MTA1: variants seen among roughly 807,000 people sequenced by gnomAD.
The protein encoded by MTA1 is metastasis-associated protein MTA1.
In MTA1, 15 loss-of-function variants were observed where a neutral mutation model predicts 97.0. That is an observed-to-expected ratio of 0.15 (90% CI 0.10 to 0.24). The LOEUF (loss-of-function observed/expected upper bound fraction) is 0.24. MTA1 is among the 10% of genes least tolerant of loss of function. The pLI, the probability that MTA1 is intolerant of heterozygous loss-of-function variation, is 1.00. For missense variants in MTA1, 709 were observed against 1,015.1 expected, an observed-to-expected ratio of 0.70 and a Z score of 4.10; for synonymous variants, 435 against 417.5, an observed-to-expected ratio of 1.04 and a Z score of -0.51.
At chr14:105,425,967 C>T (rs951216004) in intron 1 of MTA1, among the ~76,000 whole-genome samples, 1 of 152,046 alleles carries the variant, frequency 6.6e-6, no homozygotes, top group South Asian at 2.1e-4. Context: ...CTCCTCAGAG[C>T]CGCCCGGCAG....
At chr14:105,432,838 G>C (rs2082215844) in intron 1 of MTA1, among the ~76,000 whole-genome samples, 1 of 152,204 alleles carries the variant, frequency 6.6e-6, no homozygotes, top group Admixed American at 6.5e-5. Flanking sequence ...CAGATTTGCA[G>C]TGAGCTGCTT....
intron 1 of MTA1, among the ~76,000 whole-genome samples, chr14:105,431,503 A>C (rs2082176998): frequency 6.6e-6 from 1 of 152,268 alleles, no homozygotes. Context: ...AATGTGTGGC[A>C]CAGAAAAGGG....
rs182752149 is a variant in MTA1, at chr14:105,425,806, G to C, written c.28+5743G>C. ...CACCCTCATAGTGCAAGGCCACCCA[G>C]CACCTCGCCCCTATACCCCACCCGC... On this transcript the variant is annotated intron_variant, in intron 1 of 20. Coordinates refer to ENST00000331320, the MANE Select transcript of MTA1 (RefSeq NM_004689.4). Among the ~76,000 whole-genome samples the C allele has an allele frequency of 1.0e-2, 1,515 of 151,934 alleles. 85 individuals are homozygous for C. The highest frequency in any genetic ancestry group is 0.093 in the Admixed American group (1,409 of 15,222).
intron 1 of MTA1, among the ~76,000 whole-genome samples, chr14:105,437,438 C>T (rs960670431): frequency 4.6e-5 from 7 of 151,864 alleles, no homozygotes; most frequent in Non-Finnish European, 1.0e-4. Context: ...GGGGTGTGTC[C>T]TCACGGGCAT....
intron 7 of MTA1, among the ~76,000 whole-genome samples, chr14:105,457,639 G>C (rs1441652292): frequency 6.6e-6 from 1 of 152,250 alleles, no homozygotes; most frequent in Non-Finnish European, 1.5e-5. Flanking sequence ...AAAATAAAAA[G>C]CTTGGGCCGG....
chr14:105,421,561 G>T (rs587686267), intron 1 of MTA1, among the ~76,000 whole-genome samples: 1 of 152,288 alleles, frequency 6.6e-6, no homozygotes, highest in Admixed American at 6.5e-5. Context: ...GGGACACCCC[G>T]ACCCCAACTC....
chr14:105,454,327 T>C lies in MTA1; in HGVS notation c.550+17T>C. The C allele has an allele frequency of 6.3e-7, 1 of 1,578,308 alleles. No individual in the cohort carries two copies. Among genetic ancestry groups the C allele is most frequent in the Non-Finnish European group, 8.7e-7 (1 of 1,148,282 alleles). ...TAAAAGAAGGTAGGGTGGGCCGCCC[T>C]GGGCATGGAGCCCTCTGTCCTGTCC... On this transcript the variant is annotated intron_variant, in intron 7 of 20. Transcript: ENST00000331320.
chr14:105,469,867 C>G lies in MTA1; in HGVS notation c.1872C>G (p.Asn624Lys). The change falls in exon 20 of 21, where the codon AAC (asparagine) becomes AAG (lysine). Residue 624 changes from asparagine (N) to lysine (K), a missense_variant. Asn to Lys is a moderately conservative substitution (Grantham distance 94). This residue lies in a region of MTA1 where 388 missense variants were observed against 421.6 expected (regional missense o/e 0.92). Transcript: ENST00000331320. ...HMGPSRNLLL[N>K]GKSYPTKVRL... ...GACCAAGCCGGAACCTCCTGCTCAA[C>G]GGGAAGTCCTACCCCACCAAAGTGC... 6.2e-7 allele frequency: 1 copy of G among 1,609,548 alleles called. No individual in the cohort carries two copies. Among genetic ancestry groups the G allele is most frequent in the Admixed American group, 1.7e-5 (1 of 59,618 alleles).
At chr14:105,445,794 A>G (rs1433062399) in intron 3 of MTA1, 3 of 526,244 alleles carry the variant, frequency 5.7e-6, no homozygotes, top group Non-Finnish European at 1.1e-5. Flanking sequence ...GGGTGTGGGC[A>G]TCATTGATCG....
chr14:105,461,035 C>T (rs1163535541), intron 10 of MTA1, 82 bp downstream of exon 10: 33 of 1,419,722 alleles, frequency 2.3e-5, no homozygotes, highest in Middle Eastern at 2.2e-4. Flanking sequence ...CTCCACATCC[C>T]ACTCTGCCCT....
chr14:105,460,900 G>A lies in MTA1; in HGVS notation c.889G>A (p.Glu297Lys), dbSNP rs782291540. ...EWSASEANLF[E>K]EALEKYGKDF... is the part of the protein sequence containing the mutation. Reference sequence around the variant, plus strand: ...GTCTGCATCAGAGGCCAACCTTTTCGAGGAAGCCCTGGAAAAATATGGGAA... The same window carrying A: ...GTCTGCATCAGAGGCCAACCTTTTCAAGGAAGCCCTGGAAAAATATGGGAA... The change falls in exon 10 of 21, where the codon GAG (glutamate) becomes AAG (lysine). Residue 297 changes from glutamate (E) to lysine (K), a missense_variant. Physicochemically the swap from Glu to Lys is moderately conservative, Grantham distance 56 (BLOSUM62 1). Transcript: ENST00000331320. 8 of 1,613,002 alleles carry A rather than the reference G, an allele frequency of 5.0e-6. No individual in the cohort carries two copies. The highest frequency in any genetic ancestry group is 1.1e-5 in the South Asian group (1 of 90,974).
intron 1 of MTA1, among the ~76,000 whole-genome samples, chr14:105,437,979 G>A (rs1459395012): frequency 2.0e-5 from 3 of 152,212 alleles, no homozygotes; most frequent in South Asian, 4.1e-4. Flanking sequence ...TGGTTTCATC[G>A]CTGAGGGAAG....
chr14:105,454,041 G>A (rs993992083), intron 6 of MTA1, 152 bp from the exon 7 acceptor site: 5 of 555,830 alleles, frequency 9.0e-6, no homozygotes, highest in Non-Finnish European at 1.6e-5. Context: ...AGCTGTGGGG[G>A]CTCCTGCGCC....
In MTA1 at chr14:105,466,699, G is replaced by C; in HGVS notation, c.1778-8G>C. On this transcript the variant is annotated splice_polypyrimidine_tract_variant and splice_region_variant and intron_variant, in intron 17 of 20. Transcript: ENST00000331320. ...TTCTCTCCCTCTCTCCCACCCCGGC[G>C]CTGCCAGGCAACATGAAGAAGCGCC... 1.9e-6 allele frequency: 3 copies of C among 1,604,236 alleles called. No homozygotes were observed. The highest frequency in any genetic ancestry group is 1.7e-6 in the Non-Finnish European group (2 of 1,176,728).
In MTA1 at chr14:105,439,384, C is replaced by G. The variant is rs145490447; in HGVS notation, c.96+645C>G. On this transcript the variant is annotated intron_variant, in intron 2 of 20. Coordinates refer to ENST00000331320, the MANE Select transcript of MTA1 (RefSeq NM_004689.4). Reference sequence around the variant, plus strand: ...GGTTGTGCCCATGCATTGAGCCTGGCAGCACCAGATCCTTCCTGGGGGGTG... The same window carrying G: ...GGTTGTGCCCATGCATTGAGCCTGGGAGCACCAGATCCTTCCTGGGGGGTG... Among the ~76,000 whole-genome samples the G allele has an allele frequency of 3.5e-3, 538 of 152,296 alleles. 9 individuals are homozygous for G. The highest frequency in any genetic ancestry group is 0.013 in the African/African-American group (526 of 41,570).
chr14:105,438,065 A>G (rs2082386912), intron 1 of MTA1, among the ~76,000 whole-genome samples: 1 of 152,098 alleles, frequency 6.6e-6, no homozygotes, highest in South Asian at 2.1e-4. Context: ...AGCTCTGGTG[A>G]GCTCTGGTAT....
At chr14:105,445,317 G>GCAGT in intron 2 of MTA1, 101 bp from the exon 3 acceptor site, 2 of 1,016,632 alleles carry the variant, frequency 2.0e-6, no homozygotes, top group Non-Finnish European at 3.0e-6. Flanking sequence ...GGTTACACCT[G>GCAGT]CAGTCCCTGG....
At position 105,460,971 on chromosome 14, in the gene MTA1, C is replaced by A. The variant is rs369107390; in HGVS notation, c.942+18C>A. ...AAGATTTTGTGAGTACCGTGGGTGGCGATGGGGGAGTGGCTGGCCATGCCC... is the reference window on the plus strand; with the variant it reads ...AAGATTTTGTGAGTACCGTGGGTGGAGATGGGGGAGTGGCTGGCCATGCCC... On this transcript the variant is annotated intron_variant, in intron 10 of 20. Transcript: ENST00000331320. 2 of 1,598,230 alleles carry A rather than the reference C, an allele frequency of 1.3e-6. No homozygotes were observed. The highest frequency in any genetic ancestry group is 1.3e-5 in the African/African-American group (1 of 74,856).
At chr14:105,467,010 C>A in intron 18 of MTA1, 1 of 559,064 alleles carries the variant, frequency 1.8e-6, no homozygotes, top group Non-Finnish European at 3.2e-6. Flanking sequence ...GCGCCCCTGC[C>A]TGCGCTGTCT....
Sources: gnomAD v4.1 joint callset for allele counts (sites outside exome capture counted in the v4.1 genomes callset) on GRCh38, gnomAD v4.1.1 for gene constraint, gnomAD v4.1.1 regional missense constraint, MANE v1.5 for transcripts, NCBI Gene and HGNC (gene_info 2026-07-23, HGNC 2026-07-21) for gene names.